The following ABCC1 variants were observed in gnomAD, a reference collection of about 807,000 sequenced individuals.
The protein encoded by ABCC1 is ATP binding cassette subfamily C member 1 (ABCC1 blood group).
Under a neutral mutation model 172.9 loss-of-function variants are expected in ABCC1, and 83 were observed. That is an observed-to-expected ratio of 0.48 (90% CI 0.40 to 0.58). The LOEUF (loss-of-function observed/expected upper bound fraction) is 0.58. Ranked by LOEUF, ABCC1 falls within the 20% of genes least tolerant of loss-of-function variation. The probability of loss-of-function intolerance (pLI) is 0.00; values close to 1 mark genes in which losing one functional copy is unlikely to be tolerated. For missense variants in ABCC1, 1,817 were observed against 2,002.7 expected (o/e 0.91, Z 1.77); for synonymous variants, 937 against 825.2 (o/e 1.14, Z -2.32).
intron 20 of ABCC1, among the ~76,000 whole-genome samples, chr16:16,105,825 G>A (rs2052066788): frequency 6.7e-6 from 1 of 148,692 alleles, no homozygotes; most frequent in South Asian, 2.1e-4. Flanking sequence ...CGCAATCTGT[G>A]ATCATCTCTG....
intron 11 of ABCC1, among the ~76,000 whole-genome samples, chr16:16,053,848 G>C (rs2049535008): frequency 7.1e-6 from 1 of 141,806 alleles, no homozygotes; most frequent in Non-Finnish European, 1.5e-5. Context: ...AAATTAAAAG[G>C]GGATACCCCC....
intron 18 of ABCC1, among the ~76,000 whole-genome samples, chr16:16,089,419 G>A (rs925561997): frequency 1.3e-5 from 2 of 152,004 alleles, no homozygotes; most frequent in Admixed American, 6.6e-5. Flanking sequence ...ATGGTGGCAC[G>A]TATCTGTAGT....
intron 23 of ABCC1, among the ~76,000 whole-genome samples, chr16:16,117,132 C>A (rs2044918192): frequency 6.6e-6 from 1 of 152,154 alleles, no homozygotes; most frequent in Non-Finnish European, 1.5e-5. Flanking sequence ...TTAGTTTGTC[C>A]TCATACTGCT....
At chr16:15,986,651 G>C (rs894734771) in intron 1 of ABCC1, among the ~76,000 whole-genome samples, 2 of 152,168 alleles carry the variant, frequency 1.3e-5, no homozygotes, top group Non-Finnish European at 2.9e-5. Context: ...GTGCCAAAAA[G>C]CGTGGGGACC....
chr16:16,123,976 C>T (rs1168379969), intron 24 of ABCC1, among the ~76,000 whole-genome samples: 1 of 152,322 alleles, frequency 6.6e-6, no homozygotes, highest in East Asian at 1.9e-4. Flanking sequence ...GTGATCATGT[C>T]ATCCACACTC....
chr16:16,131,978 G>C (rs755642720), intron 27 of ABCC1, 43 bp downstream of exon 27: 3 of 1,593,412 alleles, frequency 1.9e-6, no homozygotes, highest in Non-Finnish European at 2.6e-6. Flanking sequence ...TCCCAGTCGG[G>C]CACAGGGTGC....
chr16:16,068,191 T>C lies in ABCC1; in HGVS notation c.1713T>C (p.Ile571=), dbSNP rs1412484214. 1 of 1,614,130 alleles carries C rather than the reference T, an allele frequency of 6.2e-7. No individual in the cohort carries two copies. Among genetic ancestry groups the C allele is most frequent in the Admixed American group, 1.7e-5 (1 of 60,018 alleles). ...GCACATTTGCCGTCTACGTGACCAT[T>C]GACGAGAACAACATCCTGGATGCCC... ...ALCTFAVYVT[I]DENNILDAQT... Residue 571 remains isoleucine (I), a synonymous_variant, in exon 13 of 31, where the codon ATT becomes ATC. Coordinates refer to ENST00000399410, the MANE Select transcript of ABCC1 (RefSeq NM_004996.4).
intron 12 of ABCC1, among the ~76,000 whole-genome samples, chr16:16,064,096 A>G (rs2050022759): frequency 6.6e-6 from 1 of 152,214 alleles, no homozygotes. Context: ...GTAGGCAGGA[A>G]GAGCAGGTAA....
At chr16:16,014,378 G>A (rs1246384203) in intron 3 of ABCC1, 113 bp from the exon 4 acceptor site, 43 of 1,244,854 alleles carry the variant, frequency 3.5e-5, no homozygotes, top group Middle Eastern at 2.8e-4. Context: ...CCTGGGAGGC[G>A]GAGGTTGCAA....
intron 1 of ABCC1, among the ~76,000 whole-genome samples, chr16:15,959,684 C>T (rs1228855057): frequency 6.6e-6 from 1 of 152,126 alleles, no homozygotes; most frequent in Non-Finnish European, 1.5e-5. Context: ...TTAAAGTGCC[C>T]CAGGAGAAGT....
rs2045821860 is a variant in ABCC1, at chr16:15,949,792, C to T, written c.41C>T (p.Pro14Leu). The T allele has an allele frequency of 8.4e-7, 1 of 1,195,642 alleles. No individual in the cohort carries two copies. The highest frequency in any genetic ancestry group is 1.0e-6 in the Non-Finnish European group (1 of 964,606). 74.1% of individuals were successfully genotyped at this position (1,195,642 alleles called of 1,614,324 possible). A position where few individuals can be genotyped will look rare whatever the true frequency, so the allele number is the denominator to read the frequency against. Residue 14 changes from proline (P) to leucine (L), a missense_variant, in exon 1 of 31, where the codon CCG becomes CTG. Physicochemically the swap from Pro to Leu is moderately conservative, Grantham distance 98 (BLOSUM62 -3). Coordinates refer to ENST00000399410, the MANE Select transcript of ABCC1 (RefSeq NM_004996.4). The stretch of plus-strand genomic sequence containing the variant: ...TTCTGCAGCGCCGATGGCTCCGACC[C>T]GCTCTGGGTACGTGCCGGGGGCCGC... ...RGFCSADGSD[P>L]LWDWNVTWNT... is the part of the protein sequence containing the mutation.
Position 16,124,841 on chromosome 16 carries a change from G to T in ABCC1, c.3643G>T (p.Ala1215Ser). The change falls in exon 25 of 31, where the codon GCC (alanine) becomes TCC (serine). Residue 1215 changes from alanine to serine, a missense_variant. This residue lies in a region of ABCC1 where 1,412 missense variants were observed against 1,600.3 expected (regional missense o/e 0.88). Coordinates refer to ENST00000399410, the MANE Select transcript of ABCC1 (RefSeq NM_004996.4). ...GGGCAACTGCATCGTTCTGTTTGCT[G>T]CCCTGTTTGCGGTGATCTCCAGGCA... ...CVGNCIVLFA[A>S]LFAVISRHSL... The T allele has an allele frequency of 1.2e-6, 2 of 1,614,240 alleles. No individual in the cohort carries two copies. The highest frequency in any genetic ancestry group is 1.7e-6 in the Non-Finnish European group (2 of 1,180,046).
chr16:16,037,323 G>A (rs755886543), intron 7 of ABCC1, among the ~76,000 whole-genome samples: 1 of 152,186 alleles, frequency 6.6e-6, no homozygotes, highest in Non-Finnish European at 1.5e-5. Flanking sequence ...GATTTTGGCT[G>A]TACTGGATTT....
chr16:16,001,906 C>G (rs1428560065), intron 1 of ABCC1, among the ~76,000 whole-genome samples: 2 of 152,064 alleles, frequency 1.3e-5, no homozygotes, highest in Non-Finnish European at 2.9e-5. Flanking sequence ...ATATGTGAGA[C>G]AGAGTCTCAT....
At position 16,142,132 on chromosome 16, in the gene ABCC1, A is replaced by G. The variant is rs763487991; in HGVS notation, c.*851A>G. 5 of 152,010 alleles carry G rather than the reference A, an allele frequency of 3.3e-5. No homozygotes were observed. Among genetic ancestry groups the G allele is most frequent in the African/African-American group, 9.7e-5 (4 of 41,360 alleles). The allele number at this position is 152,010 out of a possible 1,614,324, so 9.4% of individuals were successfully genotyped here. ...TTGTTCAACATTGTAAGAACAATCA[A>G]TGCTGTTATTACTGTTCCCACCATG... On this transcript the variant is annotated 3_prime_UTR_variant, in exon 31 of 31. Transcript: ENST00000399410.
At chr16:16,088,808 T>A (rs907374404) in intron 18 of ABCC1, among the ~76,000 whole-genome samples, 3 of 152,078 alleles carry the variant, frequency 2.0e-5, no homozygotes, top group African/African-American at 7.2e-5. Flanking sequence ...CTCGGCTGAA[T>A]CAATCCTCCT....
rs2045533549 is a variant in ABCC1, at chr16:16,128,385, G to A, written c.3819+2474G>A. ...CGGCTGGTCTCGAACTCCTGACCTC[G>A]TGATCCACCCGCCTCAGCCTCCCAA... On this transcript the variant is annotated intron_variant, in intron 26 of 30. Transcript: ENST00000399410. 7.9e-5 allele frequency among the ~76,000 whole-genome samples: 12 copies of A among 151,948 alleles called. No homozygotes were observed. In the South Asian group the frequency reaches 2.5e-3, roughly 32 times the overall value.
rs994880929 is a variant in ABCC1, at chr16:16,090,307, G to T, written c.2461-98G>T. On this transcript the variant is annotated intron_variant, in intron 18 of 30. Coordinates refer to ENST00000399410, the MANE Select transcript of ABCC1 (RefSeq NM_004996.4). ...TTCAGACCTGAGTTTTGCCCACCAG[G>T]TGTTCGTCGGCTCATTCCTCCTTTA... 21 of 1,306,892 alleles carry T rather than the reference G, an allele frequency of 1.6e-5. No individual in the cohort carries two copies. In the Admixed American group the frequency reaches 5.3e-4, roughly 33 times the overall value. The allele number at this position is 1,306,892 out of a possible 1,614,324, so 81.0% of individuals were successfully genotyped here. A position where few individuals can be genotyped will look rare whatever the true frequency, so the allele number is the denominator to read the frequency against.
At position 16,069,142 on chromosome 16, in the gene ABCC1, T is replaced by TAAAAAA. The variant is rs111252818; in HGVS notation, c.1824+844_1824+849dup. Among the ~76,000 whole-genome samples, 173 of 126,666 alleles carry TAAAAAA rather than the reference T, an allele frequency of 1.4e-3. 1 individual carries two copies. The highest frequency in any genetic ancestry group is 4.7e-3 in the African/African-American group (160 of 34,256). The allele number at this position is 126,666 out of a possible 152,430, so 83.1% of individuals were successfully genotyped here. On this transcript the variant is annotated intron_variant, in intron 13 of 30. Coordinates refer to ENST00000399410, the MANE Select transcript of ABCC1 (RefSeq NM_004996.4). ...GGGCAATATGGTAAAACCCTGTATG[T>TAAAAAA]AAAAAAAAATAAAATAAAATAAAAT...
Sources: allele counts gnomAD v4.1 joint callset (sites outside exome capture counted in the v4.1 genomes callset), GRCh38; gene constraint gnomAD v4.1.1; regional missense constraint gnomAD v4.1.1; transcripts MANE v1.5; gene names NCBI Gene and HGNC (gene_info 2026-07-23, HGNC 2026-07-21).